Variants in PDE4D observed in about 807,000 individuals in gnomAD.
The protein encoded by PDE4D is phosphodiesterase 4D, also known as 3',5'-cyclic-AMP phosphodiesterase 4D.
PDE4D carries 24 observed loss-of-function variants against 87.4 expected under a neutral mutation model. The ratio of observed to expected loss-of-function variants is 0.27; its 90% confidence interval spans 0.20 to 0.39. PDE4D has a LOEUF of 0.39. Among genes scored for constraint, PDE4D ranks in the 10% least tolerant of loss-of-function variants. PDE4D has a pLI of 1.00. For synonymous variants in PDE4D, 384 were observed against 383.2 expected, an observed-to-expected ratio of 1.00 and a Z score of -0.02; for missense variants, 714 against 1,041.0, an observed-to-expected ratio of 0.69 and a Z score of 4.32.
At chr5:59,252,204 T>A (rs1760093531) in intron 1 of PDE4D, among the ~76,000 whole-genome samples, 1 of 152,152 alleles carries the variant, frequency 6.6e-6, no homozygotes, top group Non-Finnish European at 1.5e-5. Flanking sequence ...TGTGAAATGT[T>A]TACATATTTC....
intron 1 of PDE4D, among the ~76,000 whole-genome samples, chr5:59,720,185 G>A (rs1010095624): frequency 4.6e-5 from 7 of 152,108 alleles, no homozygotes; most frequent in African/African-American, 1.7e-4. Flanking sequence ...TTTAAGAGAT[G>A]GGATCTTGCT....
intron 2 of PDE4D, among the ~76,000 whole-genome samples, chr5:60,036,790 A>G (rs1008067208): frequency 2.0e-5 from 3 of 152,172 alleles, no homozygotes; most frequent in African/African-American, 7.2e-5. Context: ...GGAATGAATT[A>G]AATTCTGCAA....
chr5:59,660,860 C>T (rs1745131825), intron 1 of PDE4D, among the ~76,000 whole-genome samples: 1 of 151,946 alleles, frequency 6.6e-6, no homozygotes, highest in African/African-American at 2.4e-5. Flanking sequence ...AATATTGCAC[C>T]TAAATTCACA....
chr5:60,154,319 C>T (rs1450390667), intron 2 of PDE4D, among the ~76,000 whole-genome samples: 2 of 151,934 alleles, frequency 1.3e-5, no homozygotes, highest in East Asian at 1.9e-4. Context: ...GTCTCTTGCC[C>T]AGGCTGGAGT....
At chr5:59,555,787 A>G (rs1416340426) in intron 1 of PDE4D, among the ~76,000 whole-genome samples, 1 of 151,960 alleles carries the variant, frequency 6.6e-6, no homozygotes, top group Non-Finnish European at 1.5e-5. Flanking sequence ...ATGCAAATTA[A>G]TCCCTGTCTC....
At chr5:59,393,753 A>G (rs1423506768) in intron 1 of PDE4D, among the ~76,000 whole-genome samples, 2 of 152,244 alleles carry the variant, frequency 1.3e-5, no homozygotes, top group African/African-American at 4.8e-5. Context: ...TTCAGACACC[A>G]TGCAAAACTC....
chr5:59,266,651 G>C (rs577082978), intron 1 of PDE4D, among the ~76,000 whole-genome samples: 2 of 151,964 alleles, frequency 1.3e-5, no homozygotes, highest in East Asian at 3.9e-4. Flanking sequence ...TTGGAGGCTT[G>C]TATACAAATC....
intron 1 of PDE4D, among the ~76,000 whole-genome samples, chr5:59,341,654 T>C (rs994854104): frequency 2.6e-5 from 4 of 152,182 alleles, no homozygotes; most frequent in African/African-American, 9.6e-5. Flanking sequence ...AATATATCCA[T>C]ATATATCCAA....
chr5:60,459,324 TAACCTACCCA>T (rs1746739173), intron 1 of PDE4D, among the ~76,000 whole-genome samples: 1 of 152,172 alleles, frequency 6.6e-6, no homozygotes, highest in Non-Finnish European at 1.5e-5. Context: ...AATGCCCACT[TAACCTACCCA>T]AACATCTCAG....
At chr5:59,129,343 ATCC>A (rs1398772448) in intron 5 of PDE4D, among the ~76,000 whole-genome samples, 1 of 152,106 alleles carries the variant, frequency 6.6e-6, no homozygotes, top group East Asian at 1.9e-4. Flanking sequence ...GGCTCAAGTA[ATCC>A]TCCTGCCTTG....
intron 5 of PDE4D, among the ~76,000 whole-genome samples, chr5:59,059,995 G>C (rs1762896752): frequency 6.6e-6 from 1 of 152,124 alleles, no homozygotes; most frequent in African/African-American, 2.4e-5. Context: ...GTTGCCAGGT[G>C]TTGCCATATA....
chr5:59,384,762 A>G (rs1330536801), intron 1 of PDE4D, among the ~76,000 whole-genome samples: 1 of 150,138 alleles, frequency 6.7e-6, no homozygotes. Flanking sequence ...TAATATGCTT[A>G]TACTGGGTTT....
At chr5:60,241,267 CTCTCTT>C (rs1035344556) in intron 1 of PDE4D, among the ~76,000 whole-genome samples, 1 of 132,416 alleles carries the variant, frequency 7.6e-6, no homozygotes, top group African/African-American at 2.8e-5. Flanking sequence ...CTCTCTCTCT[CTCTCTT>C]TTTTTTTTTT....
intron 1 of PDE4D, among the ~76,000 whole-genome samples, chr5:59,373,415 G>A (rs1784246612): frequency 1.3e-5 from 2 of 152,052 alleles, no homozygotes; most frequent in Admixed American, 1.3e-4. Context: ...CCTAAGTGGA[G>A]GAAAAAATCT....
chr5:59,816,258 G>T (rs797016843), intron 1 of PDE4D, among the ~76,000 whole-genome samples: 1 of 152,292 alleles, frequency 6.6e-6, no homozygotes, highest in African/African-American at 2.4e-5. Context: ...TAACCTGTAA[G>T]TTATAGGAAT....
At chr5:59,507,239 G>A (rs1042721892) in intron 1 of PDE4D, among the ~76,000 whole-genome samples, 6 of 152,088 alleles carry the variant, frequency 3.9e-5, no homozygotes, top group African/African-American at 1.4e-4. Flanking sequence ...GGCTGAGGCA[G>A]GAGAATTGCT....
At chr5:60,395,418 C>T (rs1762824025) in intron 1 of PDE4D, among the ~76,000 whole-genome samples, 1 of 151,990 alleles carries the variant, frequency 6.6e-6, no homozygotes, top group Admixed American at 6.5e-5. Flanking sequence ...GATAAAAGGC[C>T]ATCTGCAACA....
chr5:59,983,149 CAGCCACCATA>C (rs1397887763), intron 3 of PDE4D, among the ~76,000 whole-genome samples: 4 of 152,132 alleles, frequency 2.6e-5, no homozygotes, highest in African/African-American at 9.7e-5. Context: ...ACCCGGCCAT[CAGCCACCATA>C]AGCATGCTGT....
chr5:59,301,133 A>G (rs2153560279), intron 1 of PDE4D, among the ~76,000 whole-genome samples: 1 of 152,178 alleles, frequency 6.6e-6, no homozygotes, highest in Middle Eastern at 3.4e-3. Context: ...TCATGACATC[A>G]GCATTCCTTC....
Sources: gnomAD v4.1 joint callset for allele counts (sites outside exome capture counted in the v4.1 genomes callset) on GRCh38, gnomAD v4.1.1 for gene constraint, MANE v1.5 for transcripts, NCBI Gene and HGNC (gene_info 2026-07-23, HGNC 2026-07-21) for gene names.